CLSTN2: variants seen among roughly 807,000 people sequenced by gnomAD.
CLSTN2 encodes the protein calsyntenin 2, also known as calsyntenin-2.
Under a neutral mutation model 101.2 loss-of-function variants are expected in CLSTN2, and 48 were observed. The observed-to-expected ratio is 0.47, with a 90% CI of 0.38 to 0.60. The LOEUF is 0.60. Ranked by LOEUF, CLSTN2 falls within the 20% of genes least tolerant of loss-of-function variation. The probability of loss-of-function intolerance (pLI) is 0.00; values close to 1 mark genes in which losing one functional copy is unlikely to be tolerated. For missense variants in CLSTN2, 1,160 were observed against 1,238.2 expected, an observed-to-expected ratio of 0.94 and a Z score of 0.95; for synonymous variants, 481 against 463.6, an observed-to-expected ratio of 1.04 and a Z score of -0.48.
At chr3:140,120,356 T>C (rs1187051001) in intron 1 of CLSTN2, among the ~76,000 whole-genome samples, 2 of 152,134 alleles carry the variant, frequency 1.3e-5, no homozygotes, top group East Asian at 1.9e-4. Flanking sequence ...ACATGTAGAG[T>C]GAGGTATGGG....
intron 8 of CLSTN2, among the ~76,000 whole-genome samples, chr3:140,475,968 A>G (rs1933973611): frequency 6.6e-6 from 1 of 152,246 alleles, no homozygotes. Context: ...TCTACTCAAT[A>G]ATAAATGAAG....
At chr3:140,091,815 A>T (rs529424522) in intron 1 of CLSTN2, among the ~76,000 whole-genome samples, 2 of 152,320 alleles carry the variant, frequency 1.3e-5, no homozygotes, top group South Asian at 2.1e-4. Context: ...GAATGGGAAC[A>T]ATAGCCTCTG....
intron 1 of CLSTN2, among the ~76,000 whole-genome samples, chr3:140,105,008 A>G (rs567672926): frequency 1.3e-5 from 2 of 152,318 alleles, no homozygotes; most frequent in East Asian, 3.9e-4. Flanking sequence ...GTAAAACCTG[A>G]ATTTATGGTG....
chr3:140,133,292 C>A (rs767891488), intron 1 of CLSTN2, among the ~76,000 whole-genome samples: 2 of 152,164 alleles, frequency 1.3e-5, no homozygotes, highest in Non-Finnish European at 1.5e-5. Flanking sequence ...CTCCATGACC[C>A]AAACACCTCC....
At chr3:140,221,252 T>G (rs1041376614) in intron 2 of CLSTN2, among the ~76,000 whole-genome samples, 41 of 152,328 alleles carry the variant, frequency 2.7e-4, no homozygotes, top group African/African-American at 9.6e-4. Flanking sequence ...TTTCTAAGTT[T>G]AATGCCAAAA....
chr3:140,436,236 T>G lies in CLSTN2; in HGVS notation c.788-12283T>G, dbSNP rs545134719. Among the ~76,000 whole-genome samples, 4 of 152,368 alleles carry G rather than the reference T, an allele frequency of 2.6e-5. No individual in the cohort carries two copies. The East Asian group carries it at 7.7e-4, about 29-fold the overall frequency. ...GTTTGAGGTCTTATATTTAAGTGTT[T>G]AATTCATTGTGATTTGATTTTTGTA... On this transcript the variant is annotated intron_variant, in intron 5 of 16. Transcript: ENST00000458420.
chr3:140,274,687 A>G (rs886817135), intron 2 of CLSTN2, among the ~76,000 whole-genome samples: 1 of 152,094 alleles, frequency 6.6e-6, no homozygotes. Context: ...ATCTCTCTAC[A>G]AGGAGGTAAG....
intron 2 of CLSTN2, among the ~76,000 whole-genome samples, chr3:140,277,098 G>T (rs529084337): frequency 6.6e-6 from 1 of 152,272 alleles, no homozygotes; most frequent in African/African-American, 2.4e-5. Flanking sequence ...ACGCTAAATT[G>T]GATTACAGTA....
At chr3:140,142,398 CTG>C (rs1341530416) in intron 1 of CLSTN2, among the ~76,000 whole-genome samples, 1 of 152,120 alleles carries the variant, frequency 6.6e-6, no homozygotes, top group Non-Finnish European at 1.5e-5. Context: ...CAGGCCCACA[CTG>C]GGGCAGGCCT....
At position 140,459,620 on chromosome 3, in the gene CLSTN2, T is replaced by C. The variant is rs1383148137; in HGVS notation, c.1073T>C (p.Phe358Ser). The change falls in exon 7 of 17, where the codon TTT becomes TCT. Residue 358 changes from phenylalanine (F) to serine (S), a missense_variant. Transcript: ENST00000458420. ...GACAGCAGTGAGATGATCTTCAAGT[T>C]TGACGGCAGGCAGGGTGCCAAAGTC... ...LVDSSEMIFK[F>S]DGRQGAKVPD... is the part of the protein sequence containing the mutation. 1.9e-6 allele frequency: 3 copies of C among 1,614,174 alleles called. No individual in the cohort carries two copies. Among genetic ancestry groups the C allele is most frequent in the East Asian group, 2.2e-5 (1 of 44,868 alleles).
intron 2 of CLSTN2, among the ~76,000 whole-genome samples, chr3:140,196,481 T>C (rs2010644841): frequency 6.6e-6 from 1 of 152,236 alleles, no homozygotes; most frequent in Non-Finnish European, 1.5e-5. Context: ...GGAATGGGTA[T>C]TACTTGCTGT....
chr3:140,140,501 G>A (rs529002078), intron 1 of CLSTN2, among the ~76,000 whole-genome samples: 25 of 152,166 alleles, frequency 1.6e-4, no homozygotes, highest in African/African-American at 4.6e-4. Flanking sequence ...GGGAAGGCAC[G>A]AACCCCTGCA....
In CLSTN2 at chr3:140,506,317, C is replaced by T. The variant is rs138033552; in HGVS notation, c.1345-26007C>T. Among the ~76,000 whole-genome samples the T allele has an allele frequency of 2.0e-3, 312 of 152,280 alleles. 1 individual carries two copies. Among genetic ancestry groups the T allele is most frequent in the African/African-American group, 7.0e-3 (292 of 41,540 alleles). On this transcript the variant is annotated intron_variant, in intron 8 of 16. Transcript: ENST00000458420. ...TCAGGAGATGCCTCCCTCCTTCTGC[C>T]CATTCTTCTCTTTGCCTGAGTCCTC...
intron 1 of CLSTN2, among the ~76,000 whole-genome samples, chr3:140,136,903 G>A (rs1652328590): frequency 6.6e-6 from 1 of 152,164 alleles, no homozygotes; most frequent in African/African-American, 2.4e-5. Flanking sequence ...AGAGAATACA[G>A]CAGGTCACTG....
At chr3:140,245,484 TG>T (rs1559817827) in intron 2 of CLSTN2, among the ~76,000 whole-genome samples, 1 of 152,140 alleles carries the variant, frequency 6.6e-6, no homozygotes, top group Non-Finnish European at 1.5e-5. Flanking sequence ...TTACAAGGCT[TG>T]GAAGGTGCAA....
chr3:140,497,714 C>G (rs1286947733), intron 8 of CLSTN2, among the ~76,000 whole-genome samples: 1 of 152,172 alleles, frequency 6.6e-6, no homozygotes, highest in Non-Finnish European at 1.5e-5. Flanking sequence ...TGCTAGGATT[C>G]CTGGGGCCAG....
intron 1 of CLSTN2, among the ~76,000 whole-genome samples, chr3:139,939,952 A>G (rs979270966): frequency 6.6e-6 from 1 of 152,160 alleles, no homozygotes; most frequent in Non-Finnish European, 1.5e-5. Context: ...CTGGGCATCA[A>G]GCTAGTAGGT....
chr3:140,002,836 A>C (rs2006871629), intron 1 of CLSTN2, among the ~76,000 whole-genome samples: 1 of 151,898 alleles, frequency 6.6e-6, no homozygotes, highest in Admixed American at 6.6e-5. Context: ...CCCCCAATGT[A>C]TGTTCTTGTC....
At chr3:140,480,099 C>T (rs1576590898) in intron 8 of CLSTN2, among the ~76,000 whole-genome samples, 1 of 151,490 alleles carries the variant, frequency 6.6e-6, no homozygotes, top group South Asian at 2.1e-4. Flanking sequence ...CTATCCCTCC[C>T]CCAACCCCAC....
Sources: gnomAD v4.1 joint callset for allele counts (sites outside exome capture counted in the v4.1 genomes callset) on GRCh38, gnomAD v4.1.1 for gene constraint, MANE v1.5 for transcripts, NCBI Gene and HGNC (gene_info 2026-07-23, HGNC 2026-07-21) for gene names.